NKAIN1: variants seen among roughly 807,000 people sequenced by gnomAD.
NKAIN1 encodes the protein sodium/potassium-transporting ATPase subunit beta-1-interacting protein 1.
A neutral mutation model predicts 31.6 loss-of-function variants in NKAIN1; 13 were observed. The observed-to-expected ratio is 0.41, with a 90% CI of 0.27 to 0.65. NKAIN1 has a LOEUF of 0.65. Among genes scored for constraint, NKAIN1 ranks in the 30% least tolerant of loss-of-function variants. NKAIN1 has a pLI of 0.30. For missense variants in NKAIN1, 193 were observed against 262.2 expected (o/e 0.74, Z 1.82); for synonymous variants, 104 against 109.0 (o/e 0.95, Z 0.28).
chr1:31,232,134 C>T (rs184248542), intron 1 of NKAIN1, among the ~76,000 whole-genome samples: 151 of 149,686 alleles, frequency 1.0e-3, no homozygotes, highest in Admixed American at 8.5e-3. Flanking sequence ...TCTTGTTACC[C>T]AGGCTGGAGT....
intron 1 of NKAIN1, among the ~76,000 whole-genome samples, chr1:31,204,640 C>T (rs1570463126): frequency 2.6e-5 from 4 of 152,276 alleles, no homozygotes; most frequent in Admixed American, 6.5e-5. Flanking sequence ...TCCCAGGAGA[C>T]GCCGGCTGCA....
chr1:31,220,296 CGTGA>C (rs1220585869), intron 1 of NKAIN1, among the ~76,000 whole-genome samples: 2 of 151,240 alleles, frequency 1.3e-5, no homozygotes, highest in Non-Finnish European at 2.9e-5. Context: ...GGATTACAGG[CGTGA>C]GCCACCACAC....
chr1:31,214,709 G>T (rs1410359168), intron 1 of NKAIN1, among the ~76,000 whole-genome samples: 1 of 152,176 alleles, frequency 6.6e-6, no homozygotes, highest in Non-Finnish European at 1.5e-5. Context: ...TGAAGGAAGA[G>T]GTAACAGGAT....
intron 1 of NKAIN1, among the ~76,000 whole-genome samples, chr1:31,227,636 C>T (rs1645617840): frequency 7.5e-6 from 1 of 132,738 alleles, no homozygotes; most frequent in South Asian, 2.4e-4. Flanking sequence ...CCAAGAGGGC[C>T]AAGGACTTGC....
chr1:31,207,049 T>C (rs913221019), intron 1 of NKAIN1, among the ~76,000 whole-genome samples: 1 of 152,172 alleles, frequency 6.6e-6, no homozygotes, highest in Admixed American at 6.5e-5. Flanking sequence ...GTATGTGCTT[T>C]TTAAACTGTG....
chr1:31,218,075 T>TCTCTCTCTCTCTCTCTCTCTCTCTC (rs1557660009), intron 1 of NKAIN1, among the ~76,000 whole-genome samples: 1 of 148,234 alleles, frequency 6.7e-6, no homozygotes, highest in African/African-American at 2.6e-5. Context: ...TTTCTTTTTT[T>TCTCTCTCTCTCTCTCTCTCTCTCTC]TTTTTGAGAT....
At position 31,181,260 on chromosome 1, in the gene NKAIN1, CCTG is replaced by C. The variant is rs371512280; in HGVS notation, c.*440_*442del. The C allele has an allele frequency of 8.3e-4, 141 of 170,226 alleles. No individual in the cohort carries two copies. The highest frequency in any genetic ancestry group is 4.8e-3 in the Middle Eastern group (2 of 418). The allele number at this position is 170,226 out of a possible 1,614,324, so 10.5% of individuals were successfully genotyped here. On this transcript the variant is annotated 3_prime_UTR_variant, in exon 7 of 7. Transcript: ENST00000373736. Reference sequence around the variant, plus strand: ...GGACCTGCGATTAGAACCCAGGAATCCTGCTCCTAGTTCACAGTAGCTTTCCCC... The same window carrying C: ...GGACCTGCGATTAGAACCCAGGAATCCTCCTAGTTCACAGTAGCTTTCCCC...
chr1:31,181,464 G>T lies in NKAIN1; in HGVS notation c.*239C>A. The T allele has an allele frequency of 2.4e-6, 1 of 408,892 alleles. No individual in the cohort carries two copies. 25.3% of individuals were successfully genotyped at this position (408,892 alleles called of 1,614,324 possible). A position where few individuals can be genotyped will look rare whatever the true frequency, so the allele number is the denominator to read the frequency against. ...ACAAACAAAAAACAAAAAACCCGTG[G>T]TGCCCCTCCCCCGCCCCGCCCCACT... On this transcript the variant is annotated 3_prime_UTR_variant, in exon 7 of 7. Coordinates refer to ENST00000373736, the MANE Select transcript of NKAIN1 (RefSeq NM_024522.3).
At chr1:31,202,979 A>AAC (rs1006796291) in intron 1 of NKAIN1, among the ~76,000 whole-genome samples, 1 of 148,888 alleles carries the variant, frequency 6.7e-6, no homozygotes, top group African/African-American at 2.5e-5. Flanking sequence ...CCGTCTTAAA[A>AAC]AAAAAAAAAA....
intron 1 of NKAIN1, among the ~76,000 whole-genome samples, chr1:31,214,311 T>TG (rs765390332): frequency 6.6e-6 from 1 of 151,786 alleles, no homozygotes; most frequent in Admixed American, 6.6e-5. Flanking sequence ...CTAATGGGTT[T>TG]GGGGGTCTCT....
intron 1 of NKAIN1, among the ~76,000 whole-genome samples, chr1:31,219,532 C>A (rs910507307): frequency 6.6e-6 from 1 of 152,208 alleles, no homozygotes; most frequent in African/African-American, 2.4e-5. Flanking sequence ...GTGAGCATGT[C>A]CCCCTGATCC....
intron 1 of NKAIN1, among the ~76,000 whole-genome samples, chr1:31,216,850 C>A (rs1334913736): frequency 6.6e-6 from 1 of 151,708 alleles, no homozygotes; most frequent in Non-Finnish European, 1.5e-5. Context: ...GCTGCCACCA[C>A]GCCTAGCTAA....
chr1:31,188,741 C>G (rs1358513871), intron 1 of NKAIN1, among the ~76,000 whole-genome samples: 1 of 152,210 alleles, frequency 6.6e-6, no homozygotes, highest in African/African-American at 2.4e-5. Context: ...GCCCATGCGA[C>G]TTGCTTTGCC....
At chr1:31,194,635 G>A (rs1198400050) in intron 1 of NKAIN1, among the ~76,000 whole-genome samples, 3 of 151,502 alleles carry the variant, frequency 2.0e-5, no homozygotes, top group Non-Finnish European at 2.9e-5. Context: ...TCAAACTCCC[G>A]ACCTCAGGTG....
At chr1:31,205,914 C>A (rs567257762) in intron 1 of NKAIN1, among the ~76,000 whole-genome samples, 1 of 151,588 alleles carries the variant, frequency 6.6e-6, no homozygotes, top group African/African-American at 2.4e-5. Context: ...TGAGCCACCG[C>A]GCCCGGCCCA....
In NKAIN1 at chr1:31,228,771, T is replaced by A. The variant is rs78849862; in HGVS notation, c.54+10723A>T. Among the ~76,000 whole-genome samples, 949 of 152,100 alleles carry A rather than the reference T, an allele frequency of 6.2e-3. 15 individuals carry two copies. Among genetic ancestry groups the A allele is most frequent in the African/African-American group, 0.021 (854 of 41,486 alleles). The stretch of plus-strand genomic sequence containing the variant: ...ACCATGGCCAGCTAATTAAAAAAAA[T>A]TTTTTTTAGAGATGGGATCTTACTG... On this transcript the variant is annotated intron_variant, in intron 1 of 6. Transcript: ENST00000373736.
chr1:31,223,012 C>A (rs1040592347), intron 1 of NKAIN1, among the ~76,000 whole-genome samples: 13 of 152,316 alleles, frequency 8.5e-5, no homozygotes, highest in Non-Finnish European at 1.5e-4. Flanking sequence ...GGAGGAACAC[C>A]TGCTCTCAGG....
At chr1:31,195,360 G>A (rs1361281892) in intron 1 of NKAIN1, among the ~76,000 whole-genome samples, 16 of 150,694 alleles carry the variant, frequency 1.1e-4, no homozygotes, top group Non-Finnish European at 2.4e-4. Context: ...GACCTCAGGT[G>A]ATCCACCTGC....
At chr1:31,205,613 G>GTTTTTTTTTTTTTTTTT (rs761138403) in intron 1 of NKAIN1, among the ~76,000 whole-genome samples, 1 of 96,524 alleles carries the variant, frequency 1.0e-5, no homozygotes, top group Non-Finnish European at 1.9e-5. Context: ...AGCCGGACAA[G>GTTTTTTTTTTTTTTTTT]TTTTTTTTTT....
Sources: gnomAD v4.1 joint callset for allele counts (sites outside exome capture counted in the v4.1 genomes callset) on GRCh38, gnomAD v4.1.1 for gene constraint, MANE v1.5 for transcripts, NCBI Gene and HGNC (gene_info 2026-07-23, HGNC 2026-07-21) for gene names.